Variants in FOXJ3 observed in about 807,000 individuals in gnomAD.
FOXJ3 encodes forkhead box protein J3.
Under a neutral mutation model 76.1 loss-of-function variants are expected in FOXJ3, and 22 were observed. That is an observed-to-expected ratio of 0.29 (90% CI 0.21 to 0.41). The LOEUF (loss-of-function observed/expected upper bound fraction) is 0.41. Ranked by LOEUF, FOXJ3 falls within the 10% of genes least tolerant of loss-of-function variation. The pLI is 1.00. For missense variants in FOXJ3, 613 were observed against 762.1 expected (o/e 0.80, Z 2.30); for synonymous variants, 269 against 261.2 (o/e 1.03, Z -0.29).
intron 3 of FOXJ3, among the ~76,000 whole-genome samples, chr1:42,277,041 T>A (rs1455808055): frequency 6.6e-6 from 1 of 152,222 alleles, no homozygotes; most frequent in Middle Eastern, 3.2e-3. Context: ...TGTACTATGG[T>A]TATGTAAGAT....
chr1:42,199,231 C>A lies in FOXJ3; in HGVS notation c.631-1G>T. On this transcript the variant is annotated splice_acceptor_variant, in intron 6 of 12. Coordinates refer to ENST00000361346, the MANE Select transcript of FOXJ3 (RefSeq NM_014947.5). LOFTEE classifies it high-confidence loss of function. ...CCTGATCAGTGTTATACAATGTTAC[C>A]TAAAATGAAAAAAGAAAAATGACAA... The A allele has an allele frequency of 6.2e-7, 1 of 1,608,042 alleles. No homozygotes were observed. Among genetic ancestry groups the A allele is most frequent in the South Asian group, 1.1e-5 (1 of 90,432 alleles).
At chr1:42,292,822 T>C (rs1459552955) in intron 2 of FOXJ3, among the ~76,000 whole-genome samples, 1 of 152,138 alleles carries the variant, frequency 6.6e-6, no homozygotes, top group Admixed American at 6.6e-5. Context: ...ATTTGTGGGC[T>C]CAGCATGGTG....
At chr1:42,294,698 G>A (rs1653667292) in intron 2 of FOXJ3, among the ~76,000 whole-genome samples, 1 of 145,876 alleles carries the variant, frequency 6.9e-6, no homozygotes, top group Admixed American at 7.2e-5. Context: ...GGAGGCGGAG[G>A]CTGCAGTGAG....
intron 1 of FOXJ3, among the ~76,000 whole-genome samples, chr1:42,318,219 CA>C (rs1655234359): frequency 6.6e-6 from 1 of 152,210 alleles, no homozygotes; most frequent in Non-Finnish European, 1.5e-5. Context: ...ACTCAATAAC[CA>C]AAAGACTAAT....
intron 4 of FOXJ3, among the ~76,000 whole-genome samples, chr1:42,251,358 A>C (rs1444111679): frequency 6.6e-6 from 1 of 152,226 alleles, no homozygotes; most frequent in Non-Finnish European, 1.5e-5. Context: ...ATCCATACCC[A>C]GAAAAAAGTA....
intron 7 of FOXJ3, among the ~76,000 whole-genome samples, chr1:42,198,814 G>C (rs570844990): frequency 1.3e-5 from 2 of 152,232 alleles, no homozygotes; most frequent in East Asian, 3.9e-4. Context: ...CTAAACTAAA[G>C]TGCAATTTTT....
intron 4 of FOXJ3, among the ~76,000 whole-genome samples, chr1:42,259,770 A>G (rs982170736): frequency 1.2e-4 from 19 of 152,186 alleles, no homozygotes; most frequent in African/African-American, 4.1e-4. Flanking sequence ...GTTAGTACTT[A>G]TATTAATTCC....
chr1:42,321,796 A>C (rs748035091), intron 1 of FOXJ3, among the ~76,000 whole-genome samples: 3 of 152,170 alleles, frequency 2.0e-5, no homozygotes, highest in Admixed American at 6.5e-5. Context: ...GAACCGACTC[A>C]AGAGGAAACC....
In FOXJ3 at chr1:42,303,141, TAC is replaced by T. The variant is rs1271669349; in HGVS notation, c.44+7907_44+7908del. On this transcript the variant is annotated intron_variant, in intron 2 of 12. Coordinates refer to ENST00000361346, the MANE Select transcript of FOXJ3 (RefSeq NM_014947.5). ...GAAAAAAGCCTGAAATTACAATAAA[TAC>T]TTATAGCCAAGAGGCAGTAGAGTTA... 3.9e-5 allele frequency among the ~76,000 whole-genome samples: 6 copies of T among 152,292 alleles called. No individual in the cohort carries two copies. In the East Asian group the frequency reaches 1.2e-3, roughly 29 times the overall value.
chr1:42,231,707 A>G (rs2124475913), intron 4 of FOXJ3, among the ~76,000 whole-genome samples: 1 of 152,262 alleles, frequency 6.6e-6, no homozygotes, highest in East Asian at 1.9e-4. Context: ...CAGTGGCACG[A>G]CCATGGCGTA....
chr1:42,305,840 ATTTTTAAAT>A, intron 2 of FOXJ3, among the ~76,000 whole-genome samples: 1 of 152,202 alleles, frequency 6.6e-6, no homozygotes, highest in East Asian at 1.9e-4. Flanking sequence ...TTAATTGTAC[ATTTTTAAAT>A]AACTAAAAGA....
intron 8 of FOXJ3, among the ~76,000 whole-genome samples, chr1:42,193,431 T>C (rs1646588873): frequency 6.6e-6 from 1 of 150,782 alleles, no homozygotes; most frequent in South Asian, 2.1e-4. Flanking sequence ...TGTGATGGAA[T>C]GGAATTATGG....
chr1:42,180,882 T>C (rs539322470), intron 12 of FOXJ3, among the ~76,000 whole-genome samples: 2 of 152,310 alleles, frequency 1.3e-5, no homozygotes, highest in South Asian at 2.1e-4. Context: ...ACACAGCCAT[T>C]AAGTGGCAAA....
intron 3 of FOXJ3, among the ~76,000 whole-genome samples, chr1:42,269,869 A>G (rs1651742512): frequency 6.6e-6 from 1 of 152,160 alleles, no homozygotes; most frequent in Non-Finnish European, 1.5e-5. Context: ...AACCAGTCTC[A>G]GCAAAACTAG....
chr1:42,185,605 T>C (rs1195612866), intron 11 of FOXJ3, among the ~76,000 whole-genome samples: 1 of 152,038 alleles, frequency 6.6e-6, no homozygotes, highest in African/African-American at 2.4e-5. Flanking sequence ...ACAGGGGTCA[T>C]GTCTTTATTC....
chr1:42,266,947 T>C (rs1651509505), intron 3 of FOXJ3, among the ~76,000 whole-genome samples: 1 of 152,126 alleles, frequency 6.6e-6, no homozygotes, highest in Admixed American at 6.6e-5. Context: ...GATGTTCTGC[T>C]GCTGGAGGAA....
intron 3 of FOXJ3, among the ~76,000 whole-genome samples, chr1:42,267,673 T>A (rs1043691490): frequency 2.0e-5 from 3 of 150,356 alleles, no homozygotes; most frequent in African/African-American, 4.9e-5. Context: ...AAAAAAAAAA[T>A]TAAAATAACC....
In FOXJ3 at chr1:42,314,964, AG is replaced by A. The variant is rs1341515639; in HGVS notation, c.-17-3855del. On this transcript the variant is annotated intron_variant, in intron 1 of 12. Coordinates refer to ENST00000361346, the MANE Select transcript of FOXJ3 (RefSeq NM_014947.5). ...AGATAAACAAAGTATGGTTTATCTA[AG>A]TAACAGCCATAAAATATACAATGCA... Among the ~76,000 whole-genome samples, 646 of 152,362 alleles carry A rather than the reference AG, an allele frequency of 4.2e-3. 3 individuals carry two copies. The highest frequency in any genetic ancestry group is 0.015 in the African/African-American group (603 of 41,584).
At chr1:42,283,446 T>A (rs1232730162) in intron 2 of FOXJ3, among the ~76,000 whole-genome samples, 1 of 152,180 alleles carries the variant, frequency 6.6e-6, no homozygotes, top group Admixed American at 6.5e-5. Flanking sequence ...GTGGCCTACC[T>A]CTGCAACTTT....
Sources: gnomAD v4.1 joint callset for allele counts (sites outside exome capture counted in the v4.1 genomes callset) on GRCh38, gnomAD v4.1.1 for gene constraint, MANE v1.5 for transcripts, NCBI Gene and HGNC (gene_info 2026-07-23, HGNC 2026-07-21) for gene names.